Variants in DAAM1 observed in about 807,000 individuals in gnomAD.
DAAM1 encodes the protein disheveled-associated activator of morphogenesis 1.
A neutral mutation model predicts 130.0 loss-of-function variants in DAAM1; 52 were observed. The ratio of observed to expected loss-of-function variants is 0.40; its 90% confidence interval spans 0.32 to 0.50. The LOEUF is 0.50. DAAM1 is among the 20% of genes least tolerant of loss of function. The pLI is 0.61. For missense variants in DAAM1, 1,134 were observed against 1,303.8 expected, an observed-to-expected ratio of 0.87 and a Z score of 2.01; for synonymous variants, 452 against 444.5, an observed-to-expected ratio of 1.02 and a Z score of -0.21.
intron 2 of DAAM1, among the ~76,000 whole-genome samples, chr14:59,271,504 A>T (rs1185489908): frequency 6.6e-6 from 1 of 152,228 alleles, no homozygotes; most frequent in African/African-American, 2.4e-5. Flanking sequence ...GAAAGAATTT[A>T]GATGATATAT....
chr14:59,345,242 C>T (rs541061273), intron 16 of DAAM1, among the ~76,000 whole-genome samples: 5 of 152,198 alleles, frequency 3.3e-5, no homozygotes, highest in Admixed American at 6.5e-5. Flanking sequence ...TTTTCTAACG[C>T]GATATTCTGG....
chr14:59,239,607 G>A (rs1438472277), intron 1 of DAAM1, among the ~76,000 whole-genome samples: 5 of 151,938 alleles, frequency 3.3e-5, no homozygotes, highest in Non-Finnish European at 5.9e-5. Flanking sequence ...TTCTTACGTT[G>A]TGTTTTGTCG....
At chr14:59,277,495 C>T (rs1378805916) in intron 2 of DAAM1, among the ~76,000 whole-genome samples, 1 of 150,672 alleles carries the variant, frequency 6.6e-6, no homozygotes, top group Middle Eastern at 3.2e-3. Context: ...AATCTTTTCT[C>T]CAAAATATTA....
chr14:59,229,278 G>T (rs146631912), intron 1 of DAAM1, among the ~76,000 whole-genome samples: 1 of 152,190 alleles, frequency 6.6e-6, no homozygotes, highest in East Asian at 1.9e-4. Flanking sequence ...TGAGACCAGT[G>T]TGTCATTTGG....
intron 2 of DAAM1, 55 bp from the exon 3 acceptor site, chr14:59,291,162 C>A: frequency 7.1e-7 from 1 of 1,398,966 alleles, no homozygotes; most frequent in South Asian, 1.3e-5. Context: ...TGATAACGTT[C>A]TCTACAGGAA....
chr14:59,316,017 A>T (rs1490265502), intron 4 of DAAM1, among the ~76,000 whole-genome samples: 2 of 152,210 alleles, frequency 1.3e-5, no homozygotes, highest in Non-Finnish European at 2.9e-5. Flanking sequence ...CAGCAGCTTG[A>T]GGGACACCTA....
intron 1 of DAAM1, among the ~76,000 whole-genome samples, chr14:59,246,962 T>A (rs1413164295): frequency 2.0e-5 from 3 of 152,162 alleles, no homozygotes; most frequent in Non-Finnish European, 4.4e-5. Flanking sequence ...CAGAAATAAT[T>A]TTCAAATCCA....
chr14:59,320,923 A>G (rs977771748), intron 5 of DAAM1, among the ~76,000 whole-genome samples: 1 of 152,204 alleles, frequency 6.6e-6, no homozygotes, highest in Non-Finnish European at 1.5e-5. Flanking sequence ...AATGTTAAAT[A>G]TAGTGTTGCC....
At position 59,189,236 on chromosome 14, in the gene DAAM1, T is replaced by C. The variant is rs1183192385; in HGVS notation, c.-38+468T>C. On this transcript the variant is annotated intron_variant, in intron 1 of 24. Transcript: ENST00000360909. ...GAGGCAGGCTTGGTGGACACGGCGG[T>C]GGCGACAGGGAAGGAGGGACTCGTG... 2.6e-5 allele frequency among the ~76,000 whole-genome samples: 4 copies of C among 151,834 alleles called. No homozygotes were observed. The East Asian group carries it at 7.8e-4, about 30-fold the overall frequency.
chr14:59,350,087 A>G (rs904035732), intron 17 of DAAM1, among the ~76,000 whole-genome samples: 17 of 152,078 alleles, frequency 1.1e-4, no homozygotes, highest in African/African-American at 2.4e-5. Context: ...GAGAAAGAAC[A>G]AGATACATCC....
chr14:59,245,919 G>A (rs867786884), intron 1 of DAAM1, among the ~76,000 whole-genome samples: 4 of 152,132 alleles, frequency 2.6e-5, no homozygotes, highest in African/African-American at 4.8e-5. Flanking sequence ...TACTTTCAGA[G>A]CATAGCTATT....
In DAAM1 at chr14:59,324,173, G is replaced by A; in HGVS notation, c.820G>A (p.Glu274Lys). 1 of 1,459,862 alleles carries A rather than the reference G, an allele frequency of 6.8e-7. No individual in the cohort carries two copies. The highest frequency in any genetic ancestry group is 9.1e-7 in the Non-Finnish European group (1 of 1,097,644). 90.4% of individuals were successfully genotyped at this position (1,459,862 alleles called of 1,614,324 possible). ...LDKSTGRYRDEVSLKTAIMSF... is the reference protein window; with the variant it reads ...LDKSTGRYRDKVSLKTAIMSF... ...TAAAAGCACTGGGCGGTATCGAGAT[G>A]AAGTGAGTCTCAAGACTGCCATCAT... Residue 274 changes from glutamate to lysine, a missense_variant, in exon 7 of 25, where the codon GAA (glutamate) becomes AAA (lysine). Around this residue, in one of 3 missense-constraint regions of DAAM1, gnomAD observed 391 missense variants for 521.6 expected, o/e 0.75. Transcript: ENST00000360909.
rs1021388384 is a variant in DAAM1, at chr14:59,304,330, G to A, written c.274-10950G>A. On this transcript the variant is annotated intron_variant, in intron 3 of 24. Transcript: ENST00000360909. ...ACTATTGAATCATTCCATTCTTTGC[G>A]CATTTCAGAATTTCTCCTCTTTGTA... 8.5e-5 allele frequency among the ~76,000 whole-genome samples: 13 copies of A among 152,110 alleles called. No homozygotes were observed. The East Asian group carries it at 1.3e-3, about 16-fold the overall frequency.
At chr14:59,226,464 T>C (rs1888947165) in intron 1 of DAAM1, among the ~76,000 whole-genome samples, 1 of 152,100 alleles carries the variant, frequency 6.6e-6, no homozygotes, top group Admixed American at 6.6e-5. Context: ...ACTTTGGGCA[T>C]TTAGGGTTCC....
chr14:59,257,821 C>A (rs1457180116), intron 1 of DAAM1, among the ~76,000 whole-genome samples: 1 of 152,142 alleles, frequency 6.6e-6, no homozygotes, highest in Non-Finnish European at 1.5e-5. Context: ...AACATGCCGG[C>A]TCCCCACCTG....
At position 59,216,625 on chromosome 14, in the gene DAAM1, G is replaced by A. The variant is rs533948677; in HGVS notation, c.-38+27857G>A. ...AATCCCAGGTATTTGGGAGGCTGAG[G>A]CCGGAGAATAGCTTGAACTGGGAGG... On this transcript the variant is annotated intron_variant, in intron 1 of 24. Coordinates refer to ENST00000360909, the MANE Select transcript of DAAM1 (RefSeq NM_001270520.2). Among the ~76,000 whole-genome samples the A allele has an allele frequency of 5.9e-5, 9 of 152,214 alleles. No homozygotes were observed. In the South Asian group the frequency reaches 1.9e-3, roughly 32 times the overall value.
intron 1 of DAAM1, among the ~76,000 whole-genome samples, chr14:59,192,538 A>G (rs1212509763): frequency 1.3e-5 from 2 of 152,198 alleles, no homozygotes; most frequent in Non-Finnish European, 2.9e-5. Flanking sequence ...TATTGCCGGA[A>G]ACAAAGCAAG....
At chr14:59,305,162 T>C (rs545845146) in intron 3 of DAAM1, among the ~76,000 whole-genome samples, 1 of 152,230 alleles carries the variant, frequency 6.6e-6, no homozygotes, top group African/African-American at 2.4e-5. Context: ...ACAAACCAAC[T>C]GGACCACATT....
chr14:59,190,393 G>A (rs1887697104), intron 1 of DAAM1, among the ~76,000 whole-genome samples: 1 of 152,110 alleles, frequency 6.6e-6, no homozygotes, highest in Non-Finnish European at 1.5e-5. Context: ...GGTAGTTTAT[G>A]GTGTTGGAGG....
Sources: gnomAD v4.1 joint callset for allele counts (sites outside exome capture counted in the v4.1 genomes callset) on GRCh38, gnomAD v4.1.1 for gene constraint, gnomAD v4.1.1 regional missense constraint, MANE v1.5 for transcripts, NCBI Gene and HGNC (gene_info 2026-07-23, HGNC 2026-07-21) for gene names.